TRIM9: variants seen among roughly 807,000 people sequenced by gnomAD.
TRIM9 encodes tripartite motif containing 9.
A neutral mutation model predicts 78.3 loss-of-function variants in TRIM9; 26 were observed. The observed-to-expected ratio is 0.33, with a 90% CI of 0.24 to 0.46. The LOEUF (loss-of-function observed/expected upper bound fraction) is 0.46, where lower values mean the gene tolerates loss of function less well. Ranked by LOEUF, TRIM9 falls within the 20% of genes least tolerant of loss-of-function variation. The probability of loss-of-function intolerance (pLI) is 1.00; values close to 1 mark genes in which losing one functional copy is unlikely to be tolerated. For missense variants in TRIM9, 787 were observed against 1,036.4 expected, an observed-to-expected ratio of 0.76 and a Z score of 3.30; for synonymous variants, 398 against 416.5, an observed-to-expected ratio of 0.96 and a Z score of 0.54.
Position 51,042,626 on chromosome 14 carries a change from G to A in TRIM9, c.823-17266C>T, listed in dbSNP as rs138640881. Among the ~76,000 whole-genome samples, 525 of 152,274 alleles carry A rather than the reference G, an allele frequency of 3.4e-3. 3 individuals are homozygous for A. Among genetic ancestry groups the A allele is most frequent in the South Asian group, 0.027 (131 of 4,820 alleles). On this transcript the variant is annotated intron_variant, in intron 1 of 12. Coordinates refer to ENST00000684578, the MANE Select transcript of TRIM9 (RefSeq NM_001387360.1). ...ACCCTGATGTTACAAAGGTAAACCC[G>A]ATATTATCTTTTTAGGATGAAGTCT...
At position 51,019,404 on chromosome 14, in the gene TRIM9, C is replaced by T. The variant is rs529194183; in HGVS notation, c.1041+3431G>A. On this transcript the variant is annotated intron_variant, in intron 3 of 12. Coordinates refer to ENST00000684578, the MANE Select transcript of TRIM9 (RefSeq NM_001387360.1). ...ACAGAGTAGTATTAACTATAATTTA[C>T]ATTTCAAACAGTTTCCCTCAAACAT... Among the ~76,000 whole-genome samples, 5 of 152,334 alleles carry T rather than the reference C, an allele frequency of 3.3e-5. No individual in the cohort carries two copies. In the East Asian group the frequency reaches 5.8e-4, roughly 18 times the overall value.
At chr14:51,064,208 TATA>T (rs1402048318) in intron 1 of TRIM9, among the ~76,000 whole-genome samples, 5 of 152,082 alleles carry the variant, frequency 3.3e-5, no homozygotes, top group Admixed American at 3.3e-4. Context: ...ATTAAGAACA[TATA>T]ATCTCTAGGG....
intron 1 of TRIM9, among the ~76,000 whole-genome samples, chr14:51,036,926 T>A (rs367753903): frequency 1.3e-5 from 2 of 152,234 alleles, no homozygotes; most frequent in East Asian, 1.9e-4. Flanking sequence ...ATATTTCTAG[T>A]TGTAATAAAC....
chr14:51,005,834 AG>A (rs2055716544), intron 5 of TRIM9, among the ~76,000 whole-genome samples: 1 of 152,212 alleles, frequency 6.6e-6, no homozygotes, highest in Non-Finnish European at 1.5e-5. Context: ...ATTTGAAAAA[AG>A]GTACCAGCCT....
intron 5 of TRIM9, 46 bp from the exon 6 acceptor site, chr14:51,000,886 A>G (rs2054895900): frequency 6.2e-7 from 1 of 1,607,774 alleles, no homozygotes; most frequent in Admixed American, 1.7e-5. Context: ...AGCTGCAGAT[A>G]TTCCAGTATC....
intron 1 of TRIM9, among the ~76,000 whole-genome samples, chr14:51,043,808 A>G (rs2059742711): frequency 6.6e-6 from 1 of 151,524 alleles, no homozygotes; most frequent in South Asian, 2.1e-4. Flanking sequence ...TTCCAAAGGC[A>G]TAGGGCAGTG....
chr14:51,011,630 A>G (rs2056593455), intron 3 of TRIM9, among the ~76,000 whole-genome samples: 1 of 152,244 alleles, frequency 6.6e-6, no homozygotes, highest in Admixed American at 6.5e-5. Context: ...ATCTAATAAT[A>G]ATTATTTTAA....
At chr14:51,042,603 C>A (rs750872165) in intron 1 of TRIM9, among the ~76,000 whole-genome samples, 1 of 152,072 alleles carries the variant, frequency 6.6e-6, no homozygotes, top group Non-Finnish European at 1.5e-5. Context: ...TTAATTTTAC[C>A]CTGATGTTAC....
intron 5 of TRIM9, 81 bp downstream of exon 5, chr14:51,008,999 C>T (rs1039996110): frequency 1.4e-6 from 2 of 1,426,950 alleles, no homozygotes; most frequent in African/African-American, 1.4e-5. Context: ...GTTACATTAG[C>T]CAAAGGGGTA....
At chr14:51,046,168 G>C (rs1391138355) in intron 1 of TRIM9, among the ~76,000 whole-genome samples, 2 of 152,040 alleles carry the variant, frequency 1.3e-5, no homozygotes, top group African/African-American at 4.8e-5. Flanking sequence ...GTGATGGGGT[G>C]GGGGTTGAAC....
At chr14:51,078,609 C>G (rs1318162426) in intron 1 of TRIM9, among the ~76,000 whole-genome samples, 1 of 151,974 alleles carries the variant, frequency 6.6e-6, no homozygotes, top group African/African-American at 2.4e-5. Flanking sequence ...AAGCCAGACA[C>G]AGAAAGAAAA....
chr14:51,020,189 G>A (rs1480681180), intron 3 of TRIM9, among the ~76,000 whole-genome samples: 1 of 152,156 alleles, frequency 6.6e-6, no homozygotes, highest in Non-Finnish European at 1.5e-5. Context: ...TGCTTGGCAA[G>A]TGATGTCTAT....
At chr14:51,062,393 C>A (rs952704233) in intron 1 of TRIM9, among the ~76,000 whole-genome samples, 4 of 152,068 alleles carry the variant, frequency 2.6e-5, no homozygotes, top group Non-Finnish European at 5.9e-5. Flanking sequence ...CCAGAAACTG[C>A]ACTGTAAAGA....
At chr14:50,982,346 C>G in intron 10 of TRIM9, 1 of 552,326 alleles carries the variant, frequency 1.8e-6, no homozygotes, top group Non-Finnish European at 3.3e-6. Flanking sequence ...CACTCCCAAC[C>G]AGGTGATCCG....
intron 7 of TRIM9, chr14:50,996,712 C>T (rs2054250776): frequency 1.0e-6 from 1 of 985,412 alleles, no homozygotes; most frequent in Non-Finnish European, 1.2e-6. Flanking sequence ...GGCAACTGCT[C>T]TCAAACTGAT....
chr14:51,028,628 A>C (rs1346516073), intron 1 of TRIM9, among the ~76,000 whole-genome samples: 1 of 152,242 alleles, frequency 6.6e-6, no homozygotes. Flanking sequence ...CAGTCATTTA[A>C]GGGAGAAAGG....
At chr14:51,039,683 A>AT (rs1030602832) in intron 1 of TRIM9, among the ~76,000 whole-genome samples, 9 of 151,850 alleles carry the variant, frequency 5.9e-5, no homozygotes, top group African/African-American at 1.9e-4. Flanking sequence ...TACACGAATA[A>AT]TTTTTTTTAA....
At chr14:50,991,641 C>T (rs954137269) in intron 7 of TRIM9, among the ~76,000 whole-genome samples, 1 of 152,218 alleles carries the variant, frequency 6.6e-6, no homozygotes, top group Non-Finnish European at 1.5e-5. Context: ...CTTTAAGACT[C>T]ATTATGACCC....
Position 51,022,914 on chromosome 14 carries a change from T to A in TRIM9, c.962A>T (p.Asp321Val). ...TCTGTTGAGGGCATCGATGAGGGCA[T>A]CACATTGGGCCACCAGACAGGCTTC... ...EFEACLVAQC[D>V]ALIDALNRRK... The change falls in exon 3 of 13, where the codon GAT becomes GTT. Residue 321 changes from aspartate (D) to valine (V), a missense_variant. This residue lies in a region of TRIM9 where 352 missense variants were observed against 472.3 expected (regional missense o/e 0.75). Transcript: ENST00000684578. 1 of 1,614,166 alleles carries A rather than the reference T, an allele frequency of 6.2e-7. No individual in the cohort carries two copies. Among genetic ancestry groups the A allele is most frequent in the Non-Finnish European group, 8.5e-7 (1 of 1,180,022 alleles).
Sources: gnomAD v4.1 joint callset for allele counts (sites outside exome capture counted in the v4.1 genomes callset) on GRCh38, gnomAD v4.1.1 for gene constraint, gnomAD v4.1.1 regional missense constraint, MANE v1.5 for transcripts, NCBI Gene and HGNC (gene_info 2026-07-23, HGNC 2026-07-21) for gene names.